F3: variants seen among roughly 807,000 people sequenced by gnomAD.
F3 encodes the protein tissue factor.
Under a neutral mutation model 33.5 loss-of-function variants are expected in F3, and 18 were observed. That is an observed-to-expected ratio of 0.54 (90% CI 0.37 to 0.80). The LOEUF is 0.80. F3 is among the 30% of genes least tolerant of loss of function. The pLI is 0.00. For synonymous variants in F3, 147 were observed against 140.7 expected (o/e 1.05, Z -0.32); for missense variants, 353 against 362.1 (o/e 0.97, Z 0.20).
At chr1:94,537,998 A>T (rs1651663240) in intron 2 of F3, among the ~76,000 whole-genome samples, 1 of 152,192 alleles carries the variant, frequency 6.6e-6, no homozygotes, top group Non-Finnish European at 1.5e-5. Flanking sequence ...CAGGGACCAC[A>T]TACTCTATAG....
At chr1:94,541,288 C>A (rs1378986637) in intron 1 of F3, among the ~76,000 whole-genome samples, 3 of 152,234 alleles carry the variant, frequency 2.0e-5, no homozygotes, top group Non-Finnish European at 2.9e-5. Context: ...TACTCGGACA[C>A]CCCGAGCAAA....
chr1:94,538,515 A>G (rs1177649866), intron 2 of F3, among the ~76,000 whole-genome samples: 2 of 152,234 alleles, frequency 1.3e-5, no homozygotes, highest in Non-Finnish European at 1.5e-5. Context: ...AGGAAGGCCA[A>G]CTGAGGAGAT....
intron 2 of F3, among the ~76,000 whole-genome samples, chr1:94,538,711 T>G (rs1018290587): frequency 1.3e-5 from 2 of 152,184 alleles, no homozygotes; most frequent in African/African-American, 4.8e-5. Context: ...TTTCCTCAAC[T>G]GTAAAATGAC....
chr1:94,535,032 G>A (rs1651557845), intron 3 of F3, among the ~76,000 whole-genome samples: 2 of 152,080 alleles, frequency 1.3e-5, no homozygotes, highest in South Asian at 4.1e-4. Flanking sequence ...TGGGAAGGCA[G>A]CCACATTCAC....
chr1:94,538,006 T>C (rs1325713259), intron 2 of F3, among the ~76,000 whole-genome samples: 1 of 152,186 alleles, frequency 6.6e-6, no homozygotes, highest in Admixed American at 6.5e-5. Context: ...ACATACTCTA[T>C]AGCAAAATTT....
chr1:94,540,696 C>T (rs1468150595), intron 1 of F3: 2 of 233,584 alleles, frequency 8.6e-6, no homozygotes, highest in Non-Finnish European at 1.6e-5. Context: ...CAGGACTCAG[C>T]TCAGGAAGAG....
chr1:94,533,627 A>T (rs1651500425), intron 3 of F3, among the ~76,000 whole-genome samples: 1 of 152,054 alleles, frequency 6.6e-6, no homozygotes, highest in Non-Finnish European at 1.5e-5. Context: ...TTGTATGCAA[A>T]TTTTTTTAAA....
chr1:94,530,308 T>C lies in F3; in HGVS notation c.*152A>G. On this transcript the variant is annotated 3_prime_UTR_variant, in exon 6 of 6. Coordinates refer to ENST00000334047, the MANE Select transcript of F3 (RefSeq NM_001993.5). ...AATGCTGATGTCAAAACCAGAATGC[T>C]AATGGTAATAACAGGTCATATCAAG... 1 of 858,968 alleles carries C rather than the reference T, an allele frequency of 1.2e-6. No homozygotes were observed. Among genetic ancestry groups the C allele is most frequent in the Non-Finnish European group, 1.8e-6 (1 of 562,862 alleles). 53.2% of individuals were successfully genotyped at this position (858,968 alleles called of 1,614,324 possible).
chr1:94,537,342 G>A (rs1651634379), intron 2 of F3, among the ~76,000 whole-genome samples: 1 of 152,134 alleles, frequency 6.6e-6, no homozygotes, highest in South Asian at 2.1e-4. Flanking sequence ...ATTACTGACT[G>A]CCAGAGCCAG....
chr1:94,536,655 G>A (rs1144300), intron 2 of F3, among the ~76,000 whole-genome samples: 68,202 of 151,876 alleles, frequency 0.45, 15,740 homozygotes, highest in Middle Eastern at 0.53. Context: ...CTCTCTGTCA[G>A]GGTAACAGGA....
chr1:94,531,912 C>T (rs373754611), intron 5 of F3, among the ~76,000 whole-genome samples: 10 of 152,166 alleles, frequency 6.6e-5, no homozygotes, highest in East Asian at 1.9e-4. Context: ...TGGGTACTCA[C>T]GAATGTCTAC....
chr1:94,531,484 T>C (rs972950549), intron 5 of F3, among the ~76,000 whole-genome samples: 1 of 151,982 alleles, frequency 6.6e-6, no homozygotes, highest in Non-Finnish European at 1.5e-5. Flanking sequence ...GTATTTTGAG[T>C]AGAGATGGGC....
chr1:94,532,415 G>C lies in F3; in HGVS notation c.657C>G (p.Phe219Leu). 6 of 1,614,140 alleles carry C rather than the reference G, an allele frequency of 3.7e-6. No individual in the cohort carries two copies. The highest frequency in any genetic ancestry group is 5.1e-6 in the Non-Finnish European group (6 of 1,179,996). ...GGGAGGGAATCACTGCTTGAACACT[G>C]AAACAGTAGTTTTCTCCTTTATCCA... Reference protein sequence around the residue: ...IDVDKGENYCFSVQAVIPSRT... With the variant: ...IDVDKGENYCLSVQAVIPSRT... Residue 219 changes from phenylalanine (F) to leucine (L), a missense_variant, in exon 5 of 6, where the codon TTC becomes TTG. Transcript: ENST00000334047.
chr1:94,531,527 C>T lies in F3; in HGVS notation c.751+794G>A, dbSNP rs575228901. On this transcript the variant is annotated intron_variant, in intron 5 of 5. Coordinates refer to ENST00000334047, the MANE Select transcript of F3 (RefSeq NM_001993.5). The stretch of plus-strand genomic sequence containing the variant: ...ATGTTGGCCAGGCTGGTCCCAAACT[C>T]CTGACCTCAAGTGATTTGCCTGTCT... 2.0e-5 allele frequency among the ~76,000 whole-genome samples: 3 copies of T among 152,292 alleles called. No individual in the cohort carries two copies. In the East Asian group the frequency reaches 5.8e-4, roughly 29 times the overall value.
rs774688955 is a variant in F3 at position 94,541,666 on chromosome 1, G to T, written c.-30C>A. 1.5e-6 allele frequency: 2 copies of T among 1,352,680 alleles called. No individual in the cohort carries two copies. Among genetic ancestry groups the T allele is most frequent in the South Asian group, 3.7e-5 (2 of 54,390 alleles). 83.8% of individuals were successfully genotyped at this position (1,352,680 alleles called of 1,614,324 possible). On this transcript the variant is annotated 5_prime_UTR_variant, in exon 1 of 6. Transcript: ENST00000334047. ...ACCAGTTGGCGGCGAGATCGAGCGG[G>T]TTCCGTGGCGCCCGTGGGGCTGGGG...
chr1:94,531,453 A>G (rs1441993633), intron 5 of F3, among the ~76,000 whole-genome samples: 4 of 151,942 alleles, frequency 2.6e-5, no homozygotes, highest in Non-Finnish European at 5.9e-5. Context: ...AGACACGTGC[A>G]ACCACACCCA....
chr1:94,530,927 T>TG lies in F3; in HGVS notation c.752-332dup, dbSNP rs1651405163. On this transcript the variant is annotated intron_variant, in intron 5 of 5. Coordinates refer to ENST00000334047, the MANE Select transcript of F3 (RefSeq NM_001993.5). ...TGATGGCAATGATTATAACGGAAGG[T>TG]GAACCCTAAGTGCAAAGTGGGAGAT... Among the ~76,000 whole-genome samples the TG allele has an allele frequency of 3.9e-5, 6 of 152,262 alleles. No individual in the cohort carries two copies. In the South Asian group the frequency reaches 1.2e-3, roughly 32 times the overall value.
At chr1:94,541,190 T>C (rs934984658) in intron 1 of F3, 1 of 263,064 alleles carries the variant, frequency 3.8e-6, no homozygotes, top group African/African-American at 2.2e-5. Flanking sequence ...ACAAGTCCTA[T>C]CATATTGAAG....
chr1:94,536,651 G>T (rs910832530), intron 2 of F3, among the ~76,000 whole-genome samples: 2 of 152,150 alleles, frequency 1.3e-5, no homozygotes, highest in African/African-American at 4.8e-5. Flanking sequence ...GACGCTCTCT[G>T]TCAGGGTAAC....
Sources: gnomAD v4.1 joint callset for allele counts (sites outside exome capture counted in the v4.1 genomes callset) on GRCh38, gnomAD v4.1.1 for gene constraint, MANE v1.5 for transcripts, NCBI Gene and HGNC (gene_info 2026-07-23, HGNC 2026-07-21) for gene names.